Variants in AFAP1 observed in about 807,000 individuals in gnomAD.
AFAP1 encodes the protein actin filament-associated protein 1.
In AFAP1, 75 loss-of-function variants were observed where a neutral mutation model predicts 93.9. The ratio of observed to expected loss-of-function variants is 0.80; its 90% CI spans 0.66 to 0.97. The LOEUF is 0.97. Ranked by LOEUF, AFAP1 falls within the 50% of genes least tolerant of loss-of-function variation. The probability of loss-of-function intolerance (pLI) is 0.00; values close to 1 mark genes in which losing one functional copy is unlikely to be tolerated. For missense variants in AFAP1, 1,201 were observed against 1,050.8 expected (o/e 1.14, Z -1.98); for synonymous variants, 517 against 430.7 (o/e 1.20, Z -2.48).
rs542235610 is a variant in AFAP1 at position 7,793,756 on chromosome 4, G to C, written c.1337C>G (p.Pro446Arg). The C allele has an allele frequency of 6.3e-7, 1 of 1,578,058 alleles. No homozygotes were observed. ...AATGTAGTCATAGTGCAGAGCCTCC[G>C]GGTCTGTGGACGATCCCGTCTCTGC... ...LLAETGSSTD[P>R]EALHYDYIDV... Residue 446 changes from proline to arginine, a missense_variant, in exon 11 of 18, where the codon CCG becomes CGG. Transcript: ENST00000420658.
chr4:7,826,992 G>A (rs1721480665), intron 6 of AFAP1, among the ~76,000 whole-genome samples: 1 of 152,170 alleles, frequency 6.6e-6, no homozygotes, highest in Non-Finnish European at 1.5e-5. Context: ...AATAGCTCAT[G>A]AAAAGGCAGG....
intron 4 of AFAP1, among the ~76,000 whole-genome samples, chr4:7,844,288 G>C (rs1314412371): frequency 6.6e-6 from 1 of 152,078 alleles, no homozygotes; most frequent in Admixed American, 6.5e-5. Flanking sequence ...TAAGAAGAGA[G>C]AGAGAGAGAG....
At chr4:7,826,419 C>A (rs1177371388) in intron 6 of AFAP1, among the ~76,000 whole-genome samples, 1 of 152,202 alleles carries the variant, frequency 6.6e-6, no homozygotes, top group Non-Finnish European at 1.5e-5. Flanking sequence ...CCCAGGCTTC[C>A]CAGAGCATCC....
At chr4:7,914,397 G>A (rs1027603310) in intron 1 of AFAP1, among the ~76,000 whole-genome samples, 4 of 152,010 alleles carry the variant, frequency 2.6e-5, no homozygotes, top group African/African-American at 9.7e-5. Flanking sequence ...GAGAACATGC[G>A]GTGTTTAACT....
At chr4:7,916,938 CTG>C (rs1720115358) in intron 1 of AFAP1, among the ~76,000 whole-genome samples, 1 of 152,182 alleles carries the variant, frequency 6.6e-6, no homozygotes. Flanking sequence ...AATGTATTCA[CTG>C]AATGCACTAT....
At chr4:7,820,156 G>A (rs1720838853) in intron 6 of AFAP1, among the ~76,000 whole-genome samples, 1 of 152,200 alleles carries the variant, frequency 6.6e-6, no homozygotes. Context: ...GGAGTCAGGA[G>A]GTACCCGAGG....
intron 4 of AFAP1, among the ~76,000 whole-genome samples, chr4:7,850,794 A>G (rs936226860): frequency 6.6e-6 from 1 of 152,222 alleles, no homozygotes; most frequent in Non-Finnish European, 1.5e-5. Flanking sequence ...GGGCATCCGC[A>G]TCTTGTGCGG....
At chr4:7,799,692 TA>T (rs1463666377) in intron 10 of AFAP1, among the ~76,000 whole-genome samples, 2 of 151,590 alleles carry the variant, frequency 1.3e-5, no homozygotes, top group East Asian at 3.9e-4. Context: ...GACTCAGAAA[TA>T]AAGGGAAAAA....
chr4:7,848,128 G>GAAGGAAGGAAGGAAGGAAGGAAGT (rs1377379539), intron 4 of AFAP1, among the ~76,000 whole-genome samples: 2 of 110,964 alleles, frequency 1.8e-5, no homozygotes, highest in Admixed American at 1.0e-4. Flanking sequence ...AGGAAGGAAG[G>GAAGGAAGGAAGGAAGGAAGGAAGT]GAGTGAGTGA....
chr4:7,820,826 A>G (rs1050557983), intron 6 of AFAP1, among the ~76,000 whole-genome samples: 1 of 152,200 alleles, frequency 6.6e-6, no homozygotes, highest in Non-Finnish European at 1.5e-5. Flanking sequence ...CAGTAAGACT[A>G]TCTGTTACCA....
At chr4:7,766,091 T>A (rs1714529786) in intron 17 of AFAP1, among the ~76,000 whole-genome samples, 6 of 152,192 alleles carry the variant, frequency 3.9e-5, no homozygotes. Context: ...GTTCAACTCA[T>A]GGTTAAATTC....
At chr4:7,861,541 T>A (rs1436371634) in intron 3 of AFAP1, among the ~76,000 whole-genome samples, 1 of 152,228 alleles carries the variant, frequency 6.6e-6, no homozygotes, top group East Asian at 1.9e-4. Context: ...CTGGGAAGAT[T>A]GTCTCACATA....
intron 1 of AFAP1, among the ~76,000 whole-genome samples, chr4:7,905,308 G>C (rs560688319): frequency 6.6e-6 from 1 of 152,194 alleles, no homozygotes; most frequent in Non-Finnish European, 1.5e-5. Context: ...TTGGTTCCTA[G>C]CAGGTAATCT....
chr4:7,868,982 AAAAAG>A (rs1318313965), intron 2 of AFAP1, among the ~76,000 whole-genome samples: 40 of 151,838 alleles, frequency 2.6e-4, no homozygotes, highest in African/African-American at 6.0e-4. Context: ...AGAAAAAAGA[AAAAAG>A]AAAAGAAAAG....
chr4:7,874,576 G>A (rs1479969461), intron 1 of AFAP1, among the ~76,000 whole-genome samples: 1 of 114,186 alleles, frequency 8.8e-6, no homozygotes, highest in African/African-American at 3.4e-5. Flanking sequence ...GTAGAAACAG[G>A]GTTTCACCAT....
At chr4:7,916,634 T>C (rs1720099676) in intron 1 of AFAP1, among the ~76,000 whole-genome samples, 1 of 152,188 alleles carries the variant, frequency 6.6e-6, no homozygotes, top group Admixed American at 6.5e-5. Context: ...AGGGTGGGCA[T>C]AGCACTGGCC....
chr4:7,837,203 A>C (rs1577273189), intron 6 of AFAP1, among the ~76,000 whole-genome samples: 1 of 152,196 alleles, frequency 6.6e-6, no homozygotes, highest in East Asian at 1.9e-4. Context: ...AACAAAAACA[A>C]ACCAAAAAGA....
chr4:7,937,618 C>T (rs2149249863), intron 1 of AFAP1, among the ~76,000 whole-genome samples: 1 of 152,282 alleles, frequency 6.6e-6, no homozygotes, highest in Admixed American at 6.5e-5. Context: ...TCATGAGTAG[C>T]TGCGATTACA....
intron 13 of AFAP1, chr4:7,779,246 A>T: frequency 4.9e-6 from 1 of 204,562 alleles, no homozygotes. Context: ...CTTTTATTTC[A>T]GTGGGATGCC....
Sources: gnomAD v4.1 joint callset for allele counts (sites outside exome capture counted in the v4.1 genomes callset) on GRCh38, gnomAD v4.1.1 for gene constraint, MANE v1.5 for transcripts, NCBI Gene and HGNC (gene_info 2026-07-23, HGNC 2026-07-21) for gene names.